SNAP23: variants seen among roughly 807,000 people sequenced by gnomAD.
SNAP23 encodes synaptosomal-associated protein 23.
In SNAP23, 11 loss-of-function variants were observed where a neutral mutation model predicts 29.0. The ratio of observed to expected loss-of-function variants is 0.38; its 90% CI spans 0.24 to 0.63. The LOEUF (loss-of-function observed/expected upper bound fraction) is 0.63, where lower values mean the gene tolerates loss of function less well. Ranked by LOEUF, SNAP23 falls within the 20% of genes least tolerant of loss-of-function variation. The probability of loss-of-function intolerance (pLI) is 0.58; values close to 1 mark genes in which losing one functional copy is unlikely to be tolerated. For missense variants in SNAP23, 220 were observed against 253.9 expected, an observed-to-expected ratio of 0.87 and a Z score of 0.91; for synonymous variants, 60 against 82.9, an observed-to-expected ratio of 0.72 and a Z score of 1.50.
chr15:42,528,550 T>A, intron 6 of SNAP23, 130 bp downstream of exon 6: 1 of 928,480 alleles, frequency 1.1e-6, no homozygotes, highest in Non-Finnish European at 1.6e-6. Context: ...AAAATGCATT[T>A]AAAAATCTGC....
chr15:42,526,786 T>G (rs2141553848), intron 5 of SNAP23, among the ~76,000 whole-genome samples: 1 of 152,260 alleles, frequency 6.6e-6, no homozygotes, highest in East Asian at 1.9e-4. Context: ...AGCCATTTTT[T>G]TTTCCCTGTA....
chr15:42,528,804 T>G (rs958364351), intron 6 of SNAP23, among the ~76,000 whole-genome samples: 1 of 152,164 alleles, frequency 6.6e-6, no homozygotes, highest in African/African-American at 2.4e-5. Flanking sequence ...CAGGCTGGTC[T>G]TGGACTCCTG....
intron 1 of SNAP23, among the ~76,000 whole-genome samples, chr15:42,499,475 A>G (rs537057098): frequency 1.3e-5 from 2 of 152,184 alleles, no homozygotes; most frequent in African/African-American, 4.8e-5. Context: ...GTCTTCACCT[A>G]TGAGTCATAC....
At chr15:42,529,885 G>A in intron 7 of SNAP23, 66 bp downstream of exon 7, 2 of 1,534,026 alleles carry the variant, frequency 1.3e-6, no homozygotes, top group Non-Finnish European at 1.8e-6. Context: ...ATAGACATCT[G>A]TGCTAGATAC....
At position 42,501,401 on chromosome 15, in the gene SNAP23, TTTTG is replaced by T. The variant is rs760258196; in HGVS notation, c.-15+5700_-15+5703del. On this transcript the variant is annotated intron_variant, in intron 1 of 7. Transcript: ENST00000249647. ...AATGAGAATCAGGGTGTTTGTGTTTTTTTGTTTGTTTGTTTTTTAAGACAGTCTT... is the reference window on the plus strand; with the variant it reads ...AATGAGAATCAGGGTGTTTGTGTTTTTTTGTTTGTTTTTTAAGACAGTCTT... 8.5e-4 allele frequency among the ~76,000 whole-genome samples: 130 copies of T among 152,256 alleles called. 1 individual carries two copies. Among genetic ancestry groups the T allele is most frequent in the South Asian group, 3.3e-3 (16 of 4,822 alleles).
intron 5 of SNAP23, chr15:42,521,715 C>G: frequency 1.3e-6 from 1 of 798,066 alleles, no homozygotes; most frequent in East Asian, 2.7e-5. Context: ...AAAGGTGATG[C>G]TTCAAATGGC....
intron 1 of SNAP23, among the ~76,000 whole-genome samples, chr15:42,506,180 T>A (rs1351056088): frequency 6.6e-6 from 1 of 151,024 alleles, no homozygotes; most frequent in African/African-American, 2.4e-5. Context: ...CTCCTGAGCT[T>A]GTGATCCGCC....
At chr15:42,519,112 T>C (rs989518169) in intron 5 of SNAP23, among the ~76,000 whole-genome samples, 6 of 151,020 alleles carry the variant, frequency 4.0e-5, no homozygotes, top group Non-Finnish European at 8.8e-5. Context: ...TAGAGTGCAG[T>C]GATGCAGTCT....
chr15:42,516,623 C>G (rs568005416), intron 5 of SNAP23, among the ~76,000 whole-genome samples: 17 of 152,270 alleles, frequency 1.1e-4, no homozygotes, highest in African/African-American at 3.9e-4. Context: ...GCCACCACAC[C>G]CGGCCTCAAT....
chr15:42,510,718 A>C (rs1018027979), intron 1 of SNAP23, among the ~76,000 whole-genome samples: 3 of 152,190 alleles, frequency 2.0e-5, no homozygotes, highest in Non-Finnish European at 4.4e-5. Context: ...TGGGGAATTA[A>C]GTTTTCTGCT....
intron 7 of SNAP23, among the ~76,000 whole-genome samples, chr15:42,530,044 A>C (rs1005145364): frequency 6.6e-6 from 1 of 152,206 alleles, no homozygotes; most frequent in Non-Finnish European, 1.5e-5. Context: ...TAGTAGTTTT[A>C]CTTAAACCTT....
chr15:42,494,821 G>C (rs768469924), upstream of SNAP23, among the ~76,000 whole-genome samples: 1 of 152,076 alleles, frequency 6.6e-6, no homozygotes, highest in Non-Finnish European at 1.5e-5. Context: ...GCCTGGTGAA[G>C]CACTTTCTTT....
chr15:42,531,284 T>G, intron 7 of SNAP23, 129 bp from the exon 8 acceptor site: 3 of 530,278 alleles, frequency 5.7e-6, no homozygotes, highest in Non-Finnish European at 6.5e-6. Context: ...TTGCCCAACA[T>G]GAGTTTTGTA....
chr15:42,510,684 C>T (rs1228102014), intron 1 of SNAP23, among the ~76,000 whole-genome samples: 1 of 152,152 alleles, frequency 6.6e-6, no homozygotes, highest in African/African-American at 2.4e-5. Context: ...CTCTGCCTTC[C>T]AAGAATTCAG....
intron 5 of SNAP23, among the ~76,000 whole-genome samples, chr15:42,525,349 T>TA (rs2057490546): frequency 7.8e-6 from 1 of 127,666 alleles, no homozygotes; most frequent in Non-Finnish European, 1.6e-5. Context: ...GCCTGGGCGA[T>TA]ACAGCGAGAC....
At chr15:42,516,290 A>C (rs571340862) in intron 5 of SNAP23, among the ~76,000 whole-genome samples, 1 of 151,926 alleles carries the variant, frequency 6.6e-6, no homozygotes, top group Non-Finnish European at 1.5e-5. Context: ...TTGGCCTCCC[A>C]AAGTGCTAGG....
At chr15:42,500,605 G>C (rs2057261385) in intron 1 of SNAP23, among the ~76,000 whole-genome samples, 1 of 151,942 alleles carries the variant, frequency 6.6e-6, no homozygotes, top group South Asian at 2.1e-4. Context: ...AGCCAGGCTG[G>C]TCTCAAACTC....
chr15:42,526,018 A>C (rs2057498615), intron 5 of SNAP23, among the ~76,000 whole-genome samples: 1 of 152,172 alleles, frequency 6.6e-6, no homozygotes, highest in African/African-American at 2.4e-5. Context: ...GTCATGTCCC[A>C]GTCCACTCCT....
At chr15:42,530,091 C>T (rs8033412) in intron 7 of SNAP23, among the ~76,000 whole-genome samples, 47,632 of 151,954 alleles carry the variant, frequency 0.31, 9,320 homozygotes, top group African/African-American at 0.55. Flanking sequence ...AGCTTTTGAG[C>T]GTGTTTTTTT....
Sources: allele counts gnomAD v4.1 joint callset (sites outside exome capture counted in the v4.1 genomes callset), GRCh38; gene constraint gnomAD v4.1.1; transcripts MANE v1.5; gene names NCBI Gene and HGNC (gene_info 2026-07-23, HGNC 2026-07-21).